The following THRAP3 variants were observed in gnomAD, a reference collection of about 807,000 sequenced individuals.
THRAP3 encodes the protein thyroid hormone receptor associated protein 3.
THRAP3 carries 16 observed loss-of-function variants against 101.0 expected under a neutral mutation model. That is an observed-to-expected ratio of 0.16 (90% CI 0.11 to 0.24). The LOEUF is 0.24. THRAP3 is among the 10% of genes least tolerant of loss of function. THRAP3 has a pLI of 1.00. For missense variants in THRAP3, 989 were observed against 1,202.7 expected (o/e 0.82, Z 2.63); for synonymous variants, 407 against 422.6 (o/e 0.96, Z 0.45).
chr1:36,238,509 A>G (rs1281097092), intron 1 of THRAP3, among the ~76,000 whole-genome samples: 1 of 152,114 alleles, frequency 6.6e-6, no homozygotes, highest in Non-Finnish European at 1.5e-5. Context: ...TGTTGCCTTC[A>G]GGATACTGGA....
At chr1:36,295,599 CCCTT>C (rs1436112804) in intron 8 of THRAP3, among the ~76,000 whole-genome samples, 6 of 138,868 alleles carry the variant, frequency 4.3e-5, no homozygotes, top group African/African-American at 1.8e-4. Flanking sequence ...CTTCCTCCCT[CCCTT>C]CCTTCTTCCC....
At chr1:36,288,728 A>AT in intron 4 of THRAP3, 1 of 985,380 alleles carries the variant, frequency 1.0e-6, no homozygotes, top group Non-Finnish European at 1.2e-6. Context: ...ACCTTAAGTT[A>AT]TTTTTTGCCC....
intron 2 of THRAP3, among the ~76,000 whole-genome samples, chr1:36,261,879 CAT>C (rs1055336541): frequency 9.2e-5 from 14 of 152,262 alleles, no homozygotes; most frequent in African/African-American, 3.4e-4. Flanking sequence ...CCCCCAAACT[CAT>C]GTGGAGAGTT....
intron 2 of THRAP3, among the ~76,000 whole-genome samples, chr1:36,278,637 C>A (rs988634224): frequency 8.5e-5 from 13 of 152,214 alleles, no homozygotes; most frequent in African/African-American, 3.1e-4. Context: ...GAAATTCTGT[C>A]CTTGTGCCAG....
At chr1:36,254,039 T>G (rs1645343233) in intron 1 of THRAP3, among the ~76,000 whole-genome samples, 1 of 152,158 alleles carries the variant, frequency 6.6e-6, no homozygotes, top group Admixed American at 6.6e-5. Flanking sequence ...TACTCAGCCC[T>G]GAGCTTTTCA....
rs1332994581 is a variant in THRAP3 at position 36,289,351 on chromosome 1, T to C, written c.1332T>C (p.Ser444=). The C allele has an allele frequency of 6.2e-7, 1 of 1,614,148 alleles. No homozygotes were observed. The highest frequency in any genetic ancestry group is 8.5e-7 in the Non-Finnish European group (1 of 1,180,028). The change falls in exon 5 of 12, where the codon TCT becomes TCC. Residue 444 remains serine (S), a synonymous_variant. Coordinates refer to ENST00000354618, the MANE Select transcript of THRAP3 (RefSeq NM_005119.4). ...DKDKAKGRKE[S]EFDDEPKFMS... is the part of the protein sequence containing the mutation. ...ACAAAGCTAAGGGAAGAAAGGAATC[T>C]GAGTTTGATGATGAACCCAAATTTA...
chr1:36,280,297 G>A lies in THRAP3; in HGVS notation c.-31-2236G>A, dbSNP rs187836429. The stretch of plus-strand genomic sequence containing the variant: ...TGGTTAAGCATTTGCTATTCTGGGC[G>A]TTGGGTATACAGCACTAAATAAAGA... On this transcript the variant is annotated intron_variant, in intron 2 of 11. Transcript: ENST00000354618. Among the ~76,000 whole-genome samples the A allele has an allele frequency of 5.9e-5, 9 of 152,324 alleles. No individual in the cohort carries two copies. In the East Asian group the frequency reaches 9.6e-4, roughly 16 times the overall value.
upstream of THRAP3, among the ~76,000 whole-genome samples, chr1:36,222,014 G>A (rs1224040764): frequency 6.6e-6 from 1 of 152,040 alleles, no homozygotes; most frequent in South Asian, 2.1e-4. Context: ...GTTTCATCAT[G>A]TTGGCCAGGC....
At chr1:36,291,320 A>G in intron 5 of THRAP3, 54 bp from the exon 6 acceptor site, 1 of 1,538,632 alleles carries the variant, frequency 6.5e-7, no homozygotes, top group South Asian at 1.2e-5. Flanking sequence ...TATGGTTTTA[A>G]TGTTCTTCCT....
At chr1:36,229,423 G>GTT (rs35936037) in intron 1 of THRAP3, among the ~76,000 whole-genome samples, 64 of 38,882 alleles carry the variant, frequency 1.6e-3, no homozygotes, top group South Asian at 9.6e-3. Flanking sequence ...TTTTTTTTTT[G>GTT]TTTTTTTTTT....
At chr1:36,302,804 C>G (rs1428744852) in intron 11 of THRAP3, among the ~76,000 whole-genome samples, 1 of 152,138 alleles carries the variant, frequency 6.6e-6, no homozygotes, top group Non-Finnish European at 1.5e-5. Flanking sequence ...ATTGTCAGAG[C>G]AAGGATTGTT....
intron 2 of THRAP3, among the ~76,000 whole-genome samples, chr1:36,278,548 GTC>G (rs1164751067): frequency 9.9e-5 from 15 of 152,118 alleles, no homozygotes; most frequent in South Asian, 2.1e-4. Flanking sequence ...CCTCTCAAGT[GTC>G]TCTGCAGAAC....
the THRAP3 span, among the ~76,000 whole-genome samples, chr1:36,208,296 T>A: frequency 6.6e-6 from 1 of 151,938 alleles, no homozygotes; most frequent in Non-Finnish European, 1.5e-5. Context: ...AAGGTAAGAG[T>A]TGTCATATGG....
At chr1:36,266,802 T>C (rs1375919558) in intron 2 of THRAP3, among the ~76,000 whole-genome samples, 1 of 152,186 alleles carries the variant, frequency 6.6e-6, no homozygotes, top group Non-Finnish European at 1.5e-5. Context: ...TGATACCTAT[T>C]TTCAGGCAGA....
At chr1:36,259,505 G>C (rs1304090563) in intron 2 of THRAP3, 21 bp downstream of exon 2, 1 of 398,408 alleles carries the variant, frequency 2.5e-6, no homozygotes, top group Non-Finnish European at 4.4e-6. Context: ...GGTGGTAAAA[G>C]AAACTAATAA....
rs1205238222 is a variant in THRAP3 at position 36,286,130 on chromosome 1, A to C, written c.138-238A>C. On this transcript the variant is annotated intron_variant, in intron 3 of 11. Transcript: ENST00000354618. This position sits in a 1 kb window ranked among gnomAD's most constrained non-coding sequence, Gnocchi z 5.5. ...CTGTAGAAGTACACCTCCATTTTAA[A>C]TGTGCTGCAATATGAATGAAGTGAC... 1.3e-5 allele frequency among the ~76,000 whole-genome samples: 2 copies of C among 152,246 alleles called. No individual in the cohort carries two copies. The highest frequency in any genetic ancestry group is 2.9e-5 in the Non-Finnish European group (2 of 68,048).
At chr1:36,302,837 C>T (rs947524074) in intron 11 of THRAP3, among the ~76,000 whole-genome samples, 9 of 152,150 alleles carry the variant, frequency 5.9e-5, no homozygotes, top group Non-Finnish European at 1.2e-4. Context: ...TAATCCTTTC[C>T]TTGAACTAAG....
intron 8 of THRAP3, 48 bp from the exon 9 acceptor site, chr1:36,296,535 G>C (rs1645953355): frequency 6.8e-7 from 1 of 1,461,400 alleles, no homozygotes; most frequent in South Asian, 1.4e-5. Context: ...TGGTTGAGTT[G>C]ACAGCTCTGA....
At chr1:36,295,579 T>TTCCCTCCTCCCTTCCTTCCTC (rs1557456519) in intron 8 of THRAP3, among the ~76,000 whole-genome samples, 90 of 141,952 alleles carry the variant, frequency 6.3e-4, no homozygotes, top group African/African-American at 2.3e-3. Context: ...CTTCCTTCCC[T>TTCCCTCCTCCCTTCCTTCCTC]CCTCCCTTCC....
Sources: gnomAD v4.1 joint callset for allele counts (sites outside exome capture counted in the v4.1 genomes callset) on GRCh38, gnomAD v4.1.1 for gene constraint, Gnocchi (gnomAD v3.1) non-coding constraint, MANE v1.5 for transcripts, NCBI Gene and HGNC (gene_info 2026-07-23, HGNC 2026-07-21) for gene names.